Variants in HMMR observed in about 807,000 individuals in gnomAD.
HMMR encodes hyaluronan mediated motility receptor.
Under a neutral mutation model 101.0 loss-of-function variants are expected in HMMR, and 108 were observed. The observed-to-expected ratio is 1.07, with a 90% CI of 0.92 to 1.25. The LOEUF is 1.25. Among genes scored for constraint, HMMR ranks in the 50% most tolerant of loss-of-function variants. HMMR has a pLI of 0.00. For missense variants in HMMR, 813 were observed against 788.7 expected (o/e 1.03, Z -0.37); for synonymous variants, 296 against 276.4 (o/e 1.07, Z -0.70).
chr5:163,473,379 T>C lies in HMMR; in HGVS notation c.726T>C (p.Ser242=). The C allele has an allele frequency of 3.1e-6, 5 of 1,607,562 alleles. No homozygotes were observed. Among genetic ancestry groups the C allele is most frequent in the Non-Finnish European group, 4.2e-6 (5 of 1,176,482 alleles). Residue 242 remains serine, a splice_region_variant and synonymous_variant, in exon 9 of 18, where the codon AGT becomes AGC. Transcript: ENST00000393915. ...TTTAAGATAATTTGTTTTAATGCAG[T>C]TGTGCTTCAGATCAAGTGGAAAAAT... ...EKLLEYIEEI[S]CASDQVEKYK...
chr5:163,473,166 A>G lies in HMMR; in HGVS notation c.651-13A>G, dbSNP rs772018915. 7.4e-7 allele frequency: 1 copy of G among 1,352,320 alleles called. No homozygotes were observed. The highest frequency in any genetic ancestry group is 2.3e-5 in the East Asian group (1 of 43,368). 83.8% of individuals were successfully genotyped at this position (1,352,320 alleles called of 1,614,324 possible). On this transcript the variant is annotated splice_polypyrimidine_tract_variant and intron_variant, in intron 7 of 17. Transcript: ENST00000393915. The stretch of plus-strand genomic sequence containing the variant: ...AAACTAGAATGTATTAACATATGCA[A>G]TTTTTGTTTTAGTGTTTCAATAGAG...
Position 163,478,690 on chromosome 5 carries a change from G to A in HMMR, c.1275G>A (p.Glu425=), listed in dbSNP as rs1467688237. 7 of 1,600,712 alleles carry A rather than the reference G, an allele frequency of 4.4e-6. No homozygotes were observed. Among genetic ancestry groups the A allele is most frequent in the East Asian group, 2.2e-5 (1 of 44,798 alleles). The change falls in exon 12 of 18, where the codon GAG becomes GAA. Residue 425 remains glutamate (E), a synonymous_variant. Coordinates refer to ENST00000393915, the MANE Select transcript of HMMR (RefSeq NM_001142556.2). ...KLLEEKLKGK[E]AELEKSSAAH... ...AATTATTTCTTTTTCTTAGGAAGGA[G>A]GCTGAACTGGAGAAAAGTAGTGCTG...
In HMMR at chr5:163,478,718, C is replaced by T. The variant is rs1227485835; in HGVS notation, c.1303C>T (p.His435Tyr). 3.7e-6 allele frequency: 6 copies of T among 1,613,002 alleles called. No individual in the cohort carries two copies. The highest frequency in any genetic ancestry group is 3.3e-5 in the South Asian group (3 of 91,046). ...EAELEKSSAA[H>Y]TQATLLLQEK... ...TGAACTGGAGAAAAGTAGTGCTGCT[C>T]ATACCCAGGCCACCCTGCTTTTGCA... is the stretch of plus-strand genomic sequence containing the variant. Residue 435 changes from histidine (H) to tyrosine (Y), a missense_variant, in exon 12 of 18, where the codon CAT becomes TAT. Coordinates refer to ENST00000393915, the MANE Select transcript of HMMR (RefSeq NM_001142556.2).
chr5:163,479,805 C>T (rs1759196611), intron 12 of HMMR, among the ~76,000 whole-genome samples: 1 of 152,168 alleles, frequency 6.6e-6, no homozygotes, highest in African/African-American at 2.4e-5. Context: ...TCCTTCTCCT[C>T]CTTTTTCTTC....
chr5:163,482,208 C>T (rs299293), intron 12 of HMMR, among the ~76,000 whole-genome samples: 14,879 of 152,214 alleles, frequency 0.098, 868 homozygotes, highest in Middle Eastern at 0.13. Flanking sequence ...TGAGCCACCA[C>T]GCCCAGCCTA....
chr5:163,490,423 A>G lies in HMMR; in HGVS notation c.1996A>G (p.Lys666Glu), dbSNP rs1478989224. The change falls in exon 17 of 18, where the codon AAA becomes GAA. Residue 666 changes from lysine to glutamate, a missense_variant. Lys to Glu is a moderately conservative substitution (Grantham distance 56). Transcript: ENST00000393915. Reference protein sequence around the residue: ...VSKLRCQLAKKKQSETKLQEE... With the variant: ...VSKLRCQLAKEKQSETKLQEE... ...AAAACTCCGCTGTCAGCTTGCTAAA[A>G]AAAAACAAAGTGAGACAAAACTTCA... 1.3e-6 allele frequency: 2 copies of G among 1,591,670 alleles called. No individual in the cohort carries two copies. The highest frequency in any genetic ancestry group is 2.7e-5 in the African/African-American group (2 of 73,266).
chr5:163,490,388 AG>A lies in HMMR; in HGVS notation c.1963del, dbSNP rs1454293479. On this transcript the variant is annotated splice_acceptor_variant, in intron 16 of 17. Transcript: ENST00000393915. LOFTEE classifies it high-confidence loss of function. ...TATTACCTATTATTTCTTTTTACCT[AG>A]GAAGTATCAAAACTCCGCTGTCAGC... 6 of 1,545,886 alleles carry A rather than the reference AG, an allele frequency of 3.9e-6. No homozygotes were observed. The East Asian group carries it at 1.3e-4, about 35-fold the overall frequency.
Position 163,471,648 on chromosome 5 carries a change from T to C in HMMR, c.650+185T>C, listed in dbSNP as rs1376520363. Among the ~76,000 whole-genome samples the C allele has an allele frequency of 2.0e-5, 3 of 152,224 alleles. No individual in the cohort carries two copies. The East Asian group carries it at 5.8e-4, about 29-fold the overall frequency. ...CTAATCATTCTCAAACATGTTGTGC[T>C]ACAAAGTTGTATGAGTGCATTACTT... On this transcript the variant is annotated intron_variant, in intron 7 of 17. Coordinates refer to ENST00000393915, the MANE Select transcript of HMMR (RefSeq NM_001142556.2).
chr5:163,475,913 T>G (rs190978820), intron 11 of HMMR, among the ~76,000 whole-genome samples: 272 of 152,242 alleles, frequency 1.8e-3, no homozygotes, highest in African/African-American at 6.4e-3. Context: ...TTTTGCCCCC[T>G]TTTTTTAAGG....
rs1040774755 is a variant in HMMR, at chr5:163,474,142, A to G, written c.990A>G (p.Gln330=). Residue 330 remains glutamine, a synonymous_variant, in exon 10 of 18, where the codon CAA becomes CAG. Coordinates refer to ENST00000393915, the MANE Select transcript of HMMR (RefSeq NM_001142556.2). ...QNLKQKFILE[Q]QEREKLQQKE... ...TAAAACAGAAGTTTATTCTTGAACA[A>G]CAGGAACGTGAAAAGCTTCAACAAA... 2 of 1,611,738 alleles carry G rather than the reference A, an allele frequency of 1.2e-6. No homozygotes were observed. Among genetic ancestry groups the G allele is most frequent in the Non-Finnish European group, 8.5e-7 (1 of 1,178,618 alleles).
rs943082853 is a variant in HMMR at position 163,461,238 on chromosome 5, G to T, written c.46+500G>T. 1.1e-4 allele frequency among the ~76,000 whole-genome samples: 17 copies of T among 152,320 alleles called. No homozygotes were observed. The East Asian group carries it at 1.7e-3, about 16-fold the overall frequency. ...AAACATAAACAATGAAGTTATGGCT[G>T]ATATTGACCACTTATACCTCAAGCA... On this transcript the variant is annotated intron_variant, in intron 1 of 17. Coordinates refer to ENST00000393915, the MANE Select transcript of HMMR (RefSeq NM_001142556.2).
Position 163,478,814 on chromosome 5 carries a change from G to A in HMMR, c.1385+14G>A. On this transcript the variant is annotated intron_variant, in intron 12 of 17. Transcript: ENST00000393915. ...TCAATTTGAAAGGTATTTTTCTTGG[G>A]AGCCTGCACTCTTAAATATGATGTG... The A allele has an allele frequency of 7.3e-7, 1 of 1,367,676 alleles. No individual in the cohort carries two copies. Among genetic ancestry groups the A allele is most frequent in the Non-Finnish European group, 1.0e-6 (1 of 955,102 alleles). 84.7% of individuals were successfully genotyped at this position (1,367,676 alleles called of 1,614,324 possible). A position where few individuals can be genotyped will look rare whatever the true frequency, so the allele number is the denominator to read the frequency against.
intron 4 of HMMR, among the ~76,000 whole-genome samples, chr5:163,468,761 C>A (rs1456481863): frequency 6.6e-6 from 1 of 152,080 alleles, no homozygotes. Context: ...ATAATTTACA[C>A]CAGTGACTTC....
At chr5:163,469,257 G>A (rs1047684954) in intron 4 of HMMR, among the ~76,000 whole-genome samples, 19 of 151,906 alleles carry the variant, frequency 1.3e-4, no homozygotes, top group African/African-American at 2.9e-4. Context: ...CCAGCTATTC[G>A]GGAGGCTGAG....
chr5:163,473,445 GAAGA>G lies in HMMR; in HGVS notation c.794_797del (p.Lys265MetfsTer5). ...CCCAGTTAGAAGAAAATTTGAAAGA[GAAGA>G]ATGATGAAATTTTAAGCCTTAAGCA... is the stretch of plus-strand genomic sequence containing the variant. On this transcript the variant is annotated frameshift_variant, in exon 9 of 18. Transcript: ENST00000393915. LOFTEE classifies it high-confidence loss of function. 6.2e-7 allele frequency: 1 copy of G among 1,609,640 alleles called. No individual in the cohort carries two copies. Among genetic ancestry groups the G allele is most frequent in the East Asian group, 2.2e-5 (1 of 44,672 alleles).
chr5:163,486,513 G>A (rs1006192488), intron 16 of HMMR, among the ~76,000 whole-genome samples: 1 of 152,052 alleles, frequency 6.6e-6, no homozygotes, highest in African/African-American at 2.4e-5. Context: ...AGTTCTAATA[G>A]TTTTTTAGTG....
chr5:163,467,891 A>T, intron 4 of HMMR, 143 bp downstream of exon 4: 1 of 567,806 alleles, frequency 1.8e-6, no homozygotes, highest in East Asian at 3.4e-5. Context: ...ACAGGAAAAC[A>T]GTTCTTACAG....
intron 7 of HMMR, 124 bp downstream of exon 7, chr5:163,471,587 A>T: frequency 1.6e-6 from 1 of 624,334 alleles, no homozygotes. Context: ...GCCTCCCTCC[A>T]GTTGCCCTAT....
At chr5:163,485,392 A>G (rs1340816667) in intron 16 of HMMR, among the ~76,000 whole-genome samples, 1 of 152,198 alleles carries the variant, frequency 6.6e-6, no homozygotes, top group Non-Finnish European at 1.5e-5. Flanking sequence ...ATGAAGTGGT[A>G]TCTCATTAAC....
Sources: gnomAD v4.1 joint callset for allele counts (sites outside exome capture counted in the v4.1 genomes callset) on GRCh38, gnomAD v4.1.1 for gene constraint, MANE v1.5 for transcripts, NCBI Gene and HGNC (gene_info 2026-07-23, HGNC 2026-07-21) for gene names.